PLCB1: variants seen among roughly 807,000 people sequenced by gnomAD.
PLCB1 encodes phospholipase C beta 1, also known as 1-phosphatidylinositol 4,5-bisphosphate phosphodiesterase beta-1.
A neutral mutation model predicts 161.8 loss-of-function variants in PLCB1; 46 were observed. The observed-to-expected ratio is 0.28, with a 90% CI of 0.22 to 0.36. The LOEUF (loss-of-function observed/expected upper bound fraction) is 0.36, where lower values mean the gene tolerates loss of function less well. Among genes scored for constraint, PLCB1 ranks in the 10% least tolerant of loss-of-function variants. The pLI is 1.00. For missense variants in PLCB1, 1,016 were observed against 1,472.5 expected, an observed-to-expected ratio of 0.69 and a Z score of 5.07; for synonymous variants, 517 against 503.7, an observed-to-expected ratio of 1.03 and a Z score of -0.35.
intron 12 of PLCB1, among the ~76,000 whole-genome samples, chr20:8,714,839 C>T (rs552621065): frequency 6.6e-6 from 1 of 152,174 alleles, no homozygotes; most frequent in South Asian, 2.1e-4. Flanking sequence ...ACCCAAAGCA[C>T]ACACTTGGTT....
chr20:8,680,832 T>G (rs1990191767), intron 9 of PLCB1, among the ~76,000 whole-genome samples: 1 of 151,832 alleles, frequency 6.6e-6, no homozygotes. Flanking sequence ...TTAAAATATT[T>G]TATTCCAATG....
At chr20:8,231,426 C>G (rs190944996) in intron 2 of PLCB1, among the ~76,000 whole-genome samples, 21 of 152,258 alleles carry the variant, frequency 1.4e-4, no homozygotes, top group Admixed American at 2.6e-4. Context: ...GCAAAATCAC[C>G]AATGCATAAG....
At chr20:8,494,141 T>C (rs115608855) in intron 3 of PLCB1, among the ~76,000 whole-genome samples, 1,530 of 151,884 alleles carry the variant, frequency 0.01, 38 homozygotes, top group African/African-American at 0.034. Flanking sequence ...CCTTGGTGTA[T>C]GAGAGTCTGC....
At chr20:8,146,864 G>C (rs1195024433) in intron 1 of PLCB1, among the ~76,000 whole-genome samples, 2 of 152,106 alleles carry the variant, frequency 1.3e-5, no homozygotes, top group Non-Finnish European at 2.9e-5. Flanking sequence ...CAAATAAAGA[G>C]CAGCAAGTAG....
intron 3 of PLCB1, among the ~76,000 whole-genome samples, chr20:8,385,414 T>C (rs1039528193): frequency 2.0e-5 from 3 of 152,200 alleles, no homozygotes; most frequent in African/African-American, 7.2e-5. Context: ...GCTGTAGAGA[T>C]GGATGCTGTC....
At chr20:8,539,626 T>TTCTTTCTTTCCC (rs1280459444) in intron 3 of PLCB1, among the ~76,000 whole-genome samples, 17 of 63,428 alleles carry the variant, frequency 2.7e-4, no homozygotes, top group African/African-American at 1.4e-3. Flanking sequence ...TTTTCTTTCT[T>TTCTTTCTTTCCC]TCTTTCTTTC....
chr20:8,724,768 A>T lies in PLCB1; in HGVS notation c.1678+16A>T, dbSNP rs1355335336. On this transcript the variant is annotated intron_variant, in intron 16 of 31. Transcript: ENST00000338037. ...ATTTCAAAAAGTAAGTTTTCCCTGG[A>T]GAAAAACCCCTCTTGCAGCATATAA... 7.5e-7 allele frequency: 1 copy of T among 1,326,036 alleles called. No individual in the cohort carries two copies. Among genetic ancestry groups the T allele is most frequent in the Non-Finnish European group, 1.1e-6 (1 of 918,664 alleles). 82.1% of individuals were successfully genotyped at this position (1,326,036 alleles called of 1,614,324 possible).
intron 2 of PLCB1, among the ~76,000 whole-genome samples, chr20:8,278,080 A>T (rs1982667769): frequency 6.6e-6 from 1 of 151,914 alleles, no homozygotes; most frequent in Non-Finnish European, 1.5e-5. Context: ...AGGGTCAATG[A>T]GGGACTAGTG....
At chr20:8,157,163 A>T (rs1203526407) in intron 2 of PLCB1, among the ~76,000 whole-genome samples, 1 of 152,190 alleles carries the variant, frequency 6.6e-6, no homozygotes, top group Non-Finnish European at 1.5e-5. Flanking sequence ...TGTTTAAAAG[A>T]CTTTCCCTCT....
intron 2 of PLCB1, among the ~76,000 whole-genome samples, chr20:8,205,474 A>G (rs908895744): frequency 2.0e-5 from 3 of 152,192 alleles, no homozygotes; most frequent in Admixed American, 6.5e-5. Context: ...GAAAATCTTC[A>G]GGACAATCAA....
chr20:8,692,324 C>T (rs1024276164), intron 10 of PLCB1, among the ~76,000 whole-genome samples: 1 of 152,184 alleles, frequency 6.6e-6, no homozygotes, highest in African/African-American at 2.4e-5. Flanking sequence ...TCCCATCTCT[C>T]CCACTCATTT....
intron 1 of PLCB1, among the ~76,000 whole-genome samples, chr20:8,150,081 A>G (rs1209175722): frequency 1.3e-5 from 2 of 152,118 alleles, no homozygotes; most frequent in African/African-American, 2.4e-5. Context: ...TTTACAAGTT[A>G]TGTATAAGTC....
chr20:8,733,106 A>G, intron 18 of PLCB1, 132 bp from the exon 19 acceptor site: 2 of 897,312 alleles, frequency 2.2e-6, no homozygotes, highest in Non-Finnish European at 1.7e-6. Context: ...TGTTTCCTGC[A>G]TTTCTACAAT....
At chr20:8,230,835 C>G (rs866487624) in intron 2 of PLCB1, among the ~76,000 whole-genome samples, 4 of 152,088 alleles carry the variant, frequency 2.6e-5, no homozygotes, top group Non-Finnish European at 4.4e-5. Flanking sequence ...GATTTAGACT[C>G]TAGTTTAACA....
At chr20:8,542,196 C>T (rs571816334) in intron 3 of PLCB1, among the ~76,000 whole-genome samples, 81 of 152,274 alleles carry the variant, frequency 5.3e-4, no homozygotes, top group Middle Eastern at 3.4e-3. Flanking sequence ...TTTCCACGAC[C>T]GGTTCTTTCC....
At position 8,591,183 on chromosome 20, in the gene PLCB1, A is replaced by G. The variant is rs551699909; in HGVS notation, c.247-37111A>G. On this transcript the variant is annotated intron_variant, in intron 3 of 31. Coordinates refer to ENST00000338037, the MANE Select transcript of PLCB1 (RefSeq NM_015192.4). ...CCTTTTTATGGCTGCATAGTATTCC[A>G]TGGTGTATAAGATCAGCTGCTAGCA... Among the ~76,000 whole-genome samples the G allele has an allele frequency of 3.9e-5, 6 of 152,272 alleles. No homozygotes were observed. The East Asian group carries it at 9.7e-4, about 25-fold the overall frequency.
intron 2 of PLCB1, among the ~76,000 whole-genome samples, chr20:8,184,376 A>T (rs1021429834): frequency 1.3e-5 from 2 of 152,184 alleles, no homozygotes; most frequent in Admixed American, 6.5e-5. Context: ...AGAAATGATT[A>T]TGAAGAAATT....
intron 27 of PLCB1, 113 bp downstream of exon 27, chr20:8,774,832 T>C: frequency 1.4e-6 from 1 of 730,294 alleles, no homozygotes; most frequent in Non-Finnish European, 2.2e-6. Context: ...TGGCACCAAC[T>C]TGAGAGATTG....
At chr20:8,523,467 T>TCG (rs1984435672) in intron 3 of PLCB1, among the ~76,000 whole-genome samples, 2 of 57,488 alleles carry the variant, frequency 3.5e-5, no homozygotes, top group Admixed American at 1.9e-4. Context: ...TATATTTGGC[T>TCG]CTCTCTCTCT....
Sources: allele counts gnomAD v4.1 joint callset (sites outside exome capture counted in the v4.1 genomes callset), GRCh38; gene constraint gnomAD v4.1.1; transcripts MANE v1.5; gene names NCBI Gene and HGNC (gene_info 2026-07-23, HGNC 2026-07-21).